TAF2: variants seen among roughly 807,000 people sequenced by gnomAD.
TAF2 encodes TATA-box binding protein associated factor 2.
A neutral mutation model predicts 138.5 loss-of-function variants in TAF2; 61 were observed. That is an observed-to-expected ratio of 0.44 (90% CI 0.36 to 0.54). The LOEUF (loss-of-function observed/expected upper bound fraction) is 0.54, where lower values mean the gene tolerates loss of function less well. TAF2 is among the 20% of genes least tolerant of loss of function. The pLI, the probability that TAF2 is intolerant of heterozygous loss-of-function variation, is 0.00. For synonymous variants in TAF2, 475 were observed against 469.9 expected (o/e 1.01, Z -0.14); for missense variants, 1,090 against 1,427.9 (o/e 0.76, Z 3.81).
At chr8:119,823,619 G>T (rs971980816) in intron 2 of TAF2, among the ~76,000 whole-genome samples, 1 of 152,100 alleles carries the variant, frequency 6.6e-6, no homozygotes, top group East Asian at 1.9e-4. Context: ...CCAGTCTCAG[G>T]TATGTCTTTA....
intron 22 of TAF2, among the ~76,000 whole-genome samples, chr8:119,748,562 C>T (rs1461248437): frequency 6.6e-6 from 1 of 151,994 alleles, no homozygotes; most frequent in Non-Finnish European, 1.5e-5. Flanking sequence ...TACAGACAAC[C>T]AAGTAATGGA....
At position 119,806,050 on chromosome 8, in the gene TAF2, G is replaced by A. The variant is rs553478137; in HGVS notation, c.418+233C>T. On this transcript the variant is annotated intron_variant, in intron 4 of 25. Transcript: ENST00000378164. ...CTCCTGAGTAGCTGGGATTACATGC[G>A]CCCACCAAGCCTGGATAATTTTTGT... is the stretch of plus-strand genomic sequence containing the variant. Among the ~76,000 whole-genome samples, 7 of 151,452 alleles carry A rather than the reference G, an allele frequency of 4.6e-5. No homozygotes were observed. The East Asian group carries it at 1.4e-3, about 30-fold the overall frequency.
At position 119,731,755 on chromosome 8, in the gene TAF2, C is replaced by A. The variant is rs997573004; in HGVS notation, c.*169G>T. The A allele has an allele frequency of 1.0e-5, 7 of 692,628 alleles. No individual in the cohort carries two copies. In the Admixed American group the frequency reaches 1.8e-4, roughly 18 times the overall value. 42.9% of individuals were successfully genotyped at this position (692,628 alleles called of 1,614,324 possible). A position where few individuals can be genotyped will look rare whatever the true frequency, so the allele number is the denominator to read the frequency against. ...AAAACACATTTTCCTAATTAGATCCCAACTGTATAAATAACATAAATCAAA... is the reference window on the plus strand; with the variant it reads ...AAAACACATTTTCCTAATTAGATCCAAACTGTATAAATAACATAAATCAAA... On this transcript the variant is annotated 3_prime_UTR_variant, in exon 26 of 26. Coordinates refer to ENST00000378164, the MANE Select transcript of TAF2 (RefSeq NM_003184.4).
chr8:119,788,940 C>T (rs766786167), intron 12 of TAF2, 36 bp from the exon 13 acceptor site: 15 of 1,283,660 alleles, frequency 1.2e-5, no homozygotes, highest in South Asian at 3.5e-5. Flanking sequence ...CATACTGAAA[C>T]GAATATGTAC....
At chr8:119,761,345 C>A in intron 19 of TAF2, among the ~76,000 whole-genome samples, 1 of 152,094 alleles carries the variant, frequency 6.6e-6, no homozygotes, top group East Asian at 1.9e-4. Flanking sequence ...GCAGGCTACA[C>A]CATCTAGTTT....
chr8:119,753,220 A>G (rs1410193008), intron 22 of TAF2, among the ~76,000 whole-genome samples: 1 of 152,188 alleles, frequency 6.6e-6, no homozygotes, highest in Non-Finnish European at 1.5e-5. Flanking sequence ...AACCATGCCC[A>G]GCCAGTTTAT....
intron 3 of TAF2, 131 bp from the exon 4 acceptor site, chr8:119,806,532 C>A (rs1252259396): frequency 4.3e-6 from 3 of 691,854 alleles, no homozygotes; most frequent in Non-Finnish European, 7.4e-6. Flanking sequence ...GTCAGTGGCA[C>A]CATCTCAACT....
intron 6 of TAF2, among the ~76,000 whole-genome samples, chr8:119,798,851 G>A (rs972829202): frequency 7.2e-5 from 11 of 151,818 alleles, no homozygotes; most frequent in African/African-American, 2.7e-4. Context: ...AATAATCAGG[G>A]CCCAAATTTG....
Position 119,781,094 on chromosome 8 carries a change from T to C in TAF2, c.2212A>G (p.Thr738Ala), listed in dbSNP as rs1822618864. Residue 738 changes from threonine (T) to alanine (A), a missense_variant, in exon 17 of 26, where the codon ACA (threonine) becomes GCA (alanine). Physicochemically the swap from Thr to Ala is moderately conservative, Grantham distance 58 (BLOSUM62 0). Coordinates refer to ENST00000378164, the MANE Select transcript of TAF2 (RefSeq NM_003184.4). ...CCKSCPNIVK[T>A]NNFMSFQSYF... Reference sequence around the variant, plus strand: ...CTTTGAAAGCTCATAAAGTTGTTTGTTTTCACAATGTTTGGACAACTTTTA... The same window carrying C: ...CTTTGAAAGCTCATAAAGTTGTTTGCTTTCACAATGTTTGGACAACTTTTA... 1.2e-6 allele frequency: 2 copies of C among 1,613,830 alleles called. No individual in the cohort carries two copies. Among genetic ancestry groups the C allele is most frequent in the Non-Finnish European group, 1.7e-6 (2 of 1,180,018 alleles).
intron 3 of TAF2, among the ~76,000 whole-genome samples, chr8:119,815,570 C>T (rs568993562): frequency 2.4e-4 from 36 of 151,566 alleles, no homozygotes; most frequent in Admixed American, 1.6e-3. Flanking sequence ...CCACTGCACC[C>T]GGCCGAGACT....
At chr8:119,742,331 T>A (rs73713701) in intron 25 of TAF2, among the ~76,000 whole-genome samples, 147 of 137,300 alleles carry the variant, frequency 1.1e-3, no homozygotes, top group African/African-American at 3.5e-3. Flanking sequence ...TTTTCTATAA[T>A]AGGAATACAT....
At chr8:119,810,696 T>C (rs538525514) in intron 3 of TAF2, among the ~76,000 whole-genome samples, 6 of 152,346 alleles carry the variant, frequency 3.9e-5, no homozygotes, top group African/African-American at 1.4e-4. Flanking sequence ...CTATAGAGTA[T>C]AATTTATTTT....
chr8:119,821,375 C>T (rs1043908639), intron 2 of TAF2, among the ~76,000 whole-genome samples: 2 of 152,164 alleles, frequency 1.3e-5, no homozygotes, highest in African/African-American at 4.8e-5. Context: ...AAACATTTCC[C>T]CTGTGCTTTT....
At chr8:119,780,897 T>C (rs1052242594) in intron 17 of TAF2, among the ~76,000 whole-genome samples, 156 bp downstream of exon 17, 1 of 144,464 alleles carries the variant, frequency 6.9e-6, no homozygotes, top group Non-Finnish European at 1.5e-5. Flanking sequence ...CTTGCGCCAC[T>C]GCATTCCAGC....
intron 25 of TAF2, among the ~76,000 whole-genome samples, chr8:119,739,143 A>G (rs1474664841): frequency 6.6e-6 from 1 of 151,922 alleles, no homozygotes; most frequent in Admixed American, 6.6e-5. Flanking sequence ...TCCCACAAAA[A>G]CCACTAGGGA....
chr8:119,778,240 G>A lies in TAF2; in HGVS notation c.2254-111C>T, dbSNP rs943715610. 34 of 659,712 alleles carry A rather than the reference G, an allele frequency of 5.2e-5. 1 individual carries two copies. The highest frequency in any genetic ancestry group is 4.6e-4 in the South Asian group (26 of 56,756). The allele number at this position is 659,712 out of a possible 1,614,324, so 40.9% of individuals were successfully genotyped here. ...TACTCTTGGGCTGACATAGATATCTGGATGGAGCCTAACACCTCCACACCC... is the reference window on the plus strand; with the variant it reads ...TACTCTTGGGCTGACATAGATATCTAGATGGAGCCTAACACCTCCACACCC... On this transcript the variant is annotated intron_variant, in intron 17 of 25. Coordinates refer to ENST00000378164, the MANE Select transcript of TAF2 (RefSeq NM_003184.4).
intron 14 of TAF2, among the ~76,000 whole-genome samples, 184 bp downstream of exon 14, chr8:119,788,154 G>T (rs1446584249): frequency 6.6e-6 from 1 of 152,148 alleles, no homozygotes; most frequent in South Asian, 2.1e-4. Context: ...AGGTTGATGG[G>T]TGCAGCAAAC....
intron 2 of TAF2, among the ~76,000 whole-genome samples, chr8:119,828,746 A>C (rs916877858): frequency 2.6e-5 from 4 of 152,226 alleles, no homozygotes; most frequent in African/African-American, 7.2e-5. Context: ...CATAAAAGAC[A>C]CTAGAGGTAG....
chr8:119,789,426 C>T (rs532473501), intron 12 of TAF2, among the ~76,000 whole-genome samples, 166 bp downstream of exon 12: 1 of 152,218 alleles, frequency 6.6e-6, no homozygotes, highest in South Asian at 2.1e-4. Flanking sequence ...TAGTAGGCAT[C>T]TTAGATGAAA....
Sources: gnomAD v4.1 joint callset for allele counts (sites outside exome capture counted in the v4.1 genomes callset) on GRCh38, gnomAD v4.1.1 for gene constraint, MANE v1.5 for transcripts, NCBI Gene and HGNC (gene_info 2026-07-23, HGNC 2026-07-21) for gene names.